Variants in SNRNP200 observed in about 807,000 individuals in gnomAD.
The protein encoded by SNRNP200 is small nuclear ribonucleoprotein U5 subunit 200, also known as U5 small nuclear ribonucleoprotein 200 kDa helicase.
SNRNP200 carries 66 observed loss-of-function variants against 255.2 expected under a neutral mutation model. That is an observed-to-expected ratio of 0.26 (90% CI 0.21 to 0.32). SNRNP200 has a LOEUF of 0.32. Among genes scored for constraint, SNRNP200 ranks in the 10% least tolerant of loss-of-function variants. SNRNP200 has a pLI of 1.00. For synonymous variants in SNRNP200, 939 were observed against 1,027.8 expected, an observed-to-expected ratio of 0.91 and a Z score of 1.65; for missense variants, 1,585 against 2,749.8, an observed-to-expected ratio of 0.58 and a Z score of 9.47.
At position 96,287,364 on chromosome 2, in the gene SNRNP200, G is replaced by C; in HGVS notation, c.3484+75C>G. The C allele has an allele frequency of 8.1e-7, 1 of 1,228,214 alleles. No homozygotes were observed. Among genetic ancestry groups the C allele is most frequent in the South Asian group, 1.2e-5 (1 of 82,936 alleles). The allele number at this position is 1,228,214 out of a possible 1,614,324, so 76.1% of individuals were successfully genotyped here. A position where few individuals can be genotyped will look rare whatever the true frequency, so the allele number is the denominator to read the frequency against. On this transcript the variant is annotated intron_variant, in intron 26 of 44. Transcript: ENST00000323853. The surrounding 1 kb of genome is among the most constrained non-coding windows in gnomAD (Gnocchi z 5.7). ...ACAGGATACTAATGCACAGGCCTAG[G>C]AACAGGAAGACTACATAGGCAAACT...
At position 96,283,368 on chromosome 2, in the gene SNRNP200, A is replaced by T. The variant is rs2063818890; in HGVS notation, c.4764-16T>A. 6.2e-7 allele frequency: 1 copy of T among 1,614,070 alleles called. No homozygotes were observed. Among genetic ancestry groups the T allele is most frequent in the Non-Finnish European group, 8.5e-7 (1 of 1,180,012 alleles). ...GTGCAAGAACCTGTGCGGTACAGGC[A>T]CTGGCTCAGCTCAGAGTAGTTCAAT... On this transcript the variant is annotated splice_polypyrimidine_tract_variant and intron_variant, in intron 33 of 44. Coordinates refer to ENST00000323853, the MANE Select transcript of SNRNP200 (RefSeq NM_014014.5). The surrounding 1 kb of genome is among the most constrained non-coding windows in gnomAD (Gnocchi z 4.7).
rs1277933456 is a variant in SNRNP200 at position 96,277,946 on chromosome 2, G to A, written c.5615C>T (p.Ala1872Val). ...ATTCAGCTTGTGGGGGACCTTCTGA[G>A]CCAACTACAAAGTGGAAGAAAAATA... ...HHEDNLLRQL[A>V]QKVPHKLNNP... The change falls in exon 40 of 45, where the codon GCT (alanine) becomes GTT (valine). Residue 1872 changes from alanine to valine, a missense_variant. Physicochemically the swap from Ala to Val is moderately conservative, Grantham distance 64 (BLOSUM62 0). Around this residue, in one of 9 missense-constraint regions of SNRNP200, gnomAD observed 279 missense variants for 551.2 expected, o/e 0.51. Coordinates refer to ENST00000323853, the MANE Select transcript of SNRNP200 (RefSeq NM_014014.5). The surrounding 1 kb of genome is among the most constrained non-coding windows in gnomAD (Gnocchi z 4.4). 6.2e-7 allele frequency: 1 copy of A among 1,614,206 alleles called. No individual in the cohort carries two copies. Among genetic ancestry groups the A allele is most frequent in the South Asian group, 1.1e-5 (1 of 91,088 alleles).
Position 96,287,086 on chromosome 2 carries a change from A to T in SNRNP200, c.3559T>A (p.Ser1187Thr). 1 of 1,614,144 alleles carries T rather than the reference A, an allele frequency of 6.2e-7. No individual in the cohort carries two copies. Among genetic ancestry groups the T allele is most frequent in the African/African-American group, 1.3e-5 (1 of 75,074 alleles). ...CGTGTGATAGGCTGCAGGTGCACTG[A>T]CAACTCCAACTTGGGAAACAGATGG... is the stretch of plus-strand genomic sequence containing the variant. ...YVHLFPKLEL[S>T]VHLQPITRST... Residue 1187 changes from serine (S) to threonine (T), a missense_variant, in exon 27 of 45, where the codon TCA (serine) becomes ACA (threonine). This residue lies in a region of SNRNP200 where 719 missense variants were observed against 1,091.1 expected (regional missense o/e 0.66). Coordinates refer to ENST00000323853, the MANE Select transcript of SNRNP200 (RefSeq NM_014014.5). This position sits in a 1 kb window ranked among gnomAD's most constrained non-coding sequence, Gnocchi z 5.7.
chr2:96,284,665 C>A, intron 30 of SNRNP200, 80 bp from the exon 31 acceptor site: 2 of 953,592 alleles, frequency 2.1e-6, no homozygotes, highest in Non-Finnish European at 1.7e-6. Context: ...ACCTGAGATG[C>A]CAAACAGACC....
rs1161985049 is a variant in SNRNP200, at chr2:96,293,527, A to T, written c.1843-18T>A. 6.2e-7 allele frequency: 1 copy of T among 1,607,390 alleles called. No individual in the cohort carries two copies. Among genetic ancestry groups the T allele is most frequent in the African/African-American group, 1.3e-5 (1 of 74,784 alleles). On this transcript the variant is annotated intron_variant, in intron 14 of 44. Transcript: ENST00000323853. ...ATCTCATCCTACGGAATTGGAGGAC[A>T]GAAATTACCTCTAGCACTAGAGATA...
chr2:96,277,900 C>A lies in SNRNP200; in HGVS notation c.5661G>T (p.Pro1887=), dbSNP rs191125461. Reference sequence around the variant, plus strand: ...GCAGGAGCAGGTTGGTCTTGACGTGCGGATCATTGAACTTAGGGTTATTCA... The same window carrying A: ...GCAGGAGCAGGTTGGTCTTGACGTGAGGATCATTGAACTTAGGGTTATTCA... ...HKLNNPKFND[P]HVKTNLLLQA... The change falls in exon 40 of 45, where the codon CCG becomes CCT. Residue 1887 remains proline, a synonymous_variant. Transcript: ENST00000323853. This position sits in a 1 kb window ranked among gnomAD's most constrained non-coding sequence, Gnocchi z 4.4. 2 of 1,614,162 alleles carry A rather than the reference C, an allele frequency of 1.2e-6. No individual in the cohort carries two copies. The highest frequency in any genetic ancestry group is 2.2e-5 in the South Asian group (2 of 91,076).
chr2:96,304,782 A>C lies in SNRNP200; in HGVS notation c.132T>G (p.Val44=). 4 of 1,614,202 alleles carry C rather than the reference A, an allele frequency of 2.5e-6. No individual in the cohort carries two copies. The highest frequency in any genetic ancestry group is 3.4e-6 in the Non-Finnish European group (4 of 1,180,038). Reference sequence around the variant, plus strand: ...CCATACGGGTGCCCTCCAGCTTCCCAACAAGGGACAGCACCTCTCCTGTGG... The same window carrying C: ...CCATACGGGTGCCCTCCAGCTTCCCCACAAGGGACAGCACCTCTCCTGTGG... The part of the protein sequence containing the change: ...DEPTGEVLSL[V]GKLEGTRMGD... Residue 44 remains valine (V), a synonymous_variant, in exon 2 of 45, where the codon GTT becomes GTG. Transcript: ENST00000323853.
At chr2:96,304,662 A>C in intron 2 of SNRNP200, 43 bp downstream of exon 2, 1 of 1,612,784 alleles carries the variant, frequency 6.2e-7, no homozygotes, top group Non-Finnish European at 8.5e-7. Context: ...AAGGGAAGAG[A>C]CTTTGGATCT....
chr2:96,284,648 G>T, intron 30 of SNRNP200, 63 bp from the exon 31 acceptor site: 1 of 1,184,444 alleles, frequency 8.4e-7, no homozygotes, highest in South Asian at 1.2e-5. Flanking sequence ...TCACTTATGT[G>T]AGGAAAACCT....
intron 9 of SNRNP200, 72 bp downstream of exon 9, chr2:96,298,210 ATT>A: frequency 1.2e-6 from 2 of 1,602,218 alleles, no homozygotes; most frequent in Non-Finnish European, 1.7e-6. Context: ...TTTAACATGA[ATT>A]TAGCTTCATG....
chr2:96,305,177 A>C (rs1484637691), intron 1 of SNRNP200, among the ~76,000 whole-genome samples: 1 of 152,066 alleles, frequency 6.6e-6, no homozygotes, highest in Non-Finnish European at 1.5e-5. Context: ...CTTAGCGTTG[A>C]AGGTACTCGA....
At chr2:96,304,910 G>A in intron 1 of SNRNP200, 42 bp from the exon 2 acceptor site, 1 of 1,598,718 alleles carries the variant, frequency 6.3e-7, no homozygotes, top group Non-Finnish European at 8.5e-7. Context: ...ACATGAGCAG[G>A]GCCAATTCCT....
At chr2:96,284,803 G>T (rs1442849768) in intron 30 of SNRNP200, 1 of 571,082 alleles carries the variant, frequency 1.8e-6, no homozygotes, top group East Asian at 3.1e-5. Context: ...AGGCTGGAGT[G>T]CAGTGGTGCG....
chr2:96,281,880 C>T lies in SNRNP200; in HGVS notation c.4958G>A (p.Gly1653Asp). 6.2e-7 allele frequency: 1 copy of T among 1,614,112 alleles called. No individual in the cohort carries two copies. The highest frequency in any genetic ancestry group is 2.2e-5 in the East Asian group (1 of 44,890). Reference protein sequence around the residue: ...VVVASRSLCWGMNVAAHLVII... With the variant: ...VVVASRSLCWDMNVAAHLVII... The stretch of plus-strand genomic sequence containing the variant: ...TACCAGGTGGGCAGCCACGTTCATG[C>T]CCCAGCAGAGACTCCGAGAAGCCAC... The change falls in exon 35 of 45, where the codon GGC becomes GAC. Residue 1653 changes from glycine (G) to aspartate (D), a missense_variant. Coordinates refer to ENST00000323853, the MANE Select transcript of SNRNP200 (RefSeq NM_014014.5).
intron 8 of SNRNP200, 44 bp from the exon 9 acceptor site, chr2:96,298,464 A>G: frequency 1.2e-6 from 2 of 1,613,596 alleles, no homozygotes; most frequent in African/African-American, 1.3e-5. Flanking sequence ...AGGAGGAAAT[A>G]AGGCAAAAAA....
chr2:96,277,516 C>T lies in SNRNP200; in HGVS notation c.5931+23G>A. 3.1e-6 allele frequency: 5 copies of T among 1,611,898 alleles called. No individual in the cohort carries two copies. Among genetic ancestry groups the T allele is most frequent in the Non-Finnish European group, 2.5e-6 (3 of 1,179,732 alleles). ...TGGGCTCTCAGGCTCACCCACCTGA[C>T]CCTCTAGGCTGACCCGGCTCACCTT... On this transcript the variant is annotated intron_variant, in intron 41 of 44. Coordinates refer to ENST00000323853, the MANE Select transcript of SNRNP200 (RefSeq NM_014014.5). This position sits in a 1 kb window ranked among gnomAD's most constrained non-coding sequence, Gnocchi z 4.4.
Position 96,287,614 on chromosome 2 carries a change from C to T in SNRNP200, c.3366-57G>A, listed in dbSNP as rs1426686880. 7.9e-7 allele frequency: 1 copy of T among 1,269,484 alleles called. No individual in the cohort carries two copies. The highest frequency in any genetic ancestry group is 1.2e-6 in the Non-Finnish European group (1 of 865,544). The allele number at this position is 1,269,484 out of a possible 1,614,324, so 78.6% of individuals were successfully genotyped here. On this transcript the variant is annotated intron_variant, in intron 25 of 44. Transcript: ENST00000323853. This position sits in a 1 kb window ranked among gnomAD's most constrained non-coding sequence, Gnocchi z 5.7. ...CTTCTGCAGGGATGTGACAAACCAC[C>T]CACTTCATGGCTTCCAATAGTTTAG...
chr2:96,279,827 A>G (rs982128336), intron 35 of SNRNP200: 1 of 420,124 alleles, frequency 2.4e-6, no homozygotes, highest in Non-Finnish European at 4.4e-6. Flanking sequence ...GCCAAAACCA[A>G]AATAACTCCC....
At chr2:96,303,118 G>A in intron 3 of SNRNP200, 41 bp downstream of exon 3, 1 of 1,601,598 alleles carries the variant, frequency 6.2e-7, no homozygotes, top group Non-Finnish European at 8.6e-7. Context: ...GCCAGAAAAT[G>A]AAATAAAGAC....
Sources: gnomAD v4.1 joint callset for allele counts (sites outside exome capture counted in the v4.1 genomes callset) on GRCh38, gnomAD v4.1.1 for gene constraint, gnomAD v4.1.1 regional missense constraint, Gnocchi (gnomAD v3.1) non-coding constraint, MANE v1.5 for transcripts, NCBI Gene and HGNC (gene_info 2026-07-23, HGNC 2026-07-21) for gene names.